RUBCNL: variants seen among roughly 807,000 people sequenced by gnomAD.
RUBCNL encodes protein associated with UVRAG as autophagy enhancer.
RUBCNL carries 62 observed loss-of-function variants against 69.5 expected under a neutral mutation model. The observed-to-expected ratio is 0.89, with a 90% CI of 0.73 to 1.10. The LOEUF is 1.10. Among genes scored for constraint, RUBCNL ranks in the 50% least tolerant of loss-of-function variants. The pLI, the probability that RUBCNL is intolerant of heterozygous loss-of-function variation, is 0.00. For synonymous variants in RUBCNL, 291 were observed against 303.6 expected (o/e 0.96, Z 0.43); for missense variants, 768 against 798.1 (o/e 0.96, Z 0.45).
rs555481296 is a variant in RUBCNL at position 46,359,614 on chromosome 13, A to G, written c.1137T>C (p.Cys379=). ...TACTGGATTCAAAGTCTTTTCGGAC[A>G]CACTCTTCATTTACGACCTGCATAA... The part of the protein sequence containing the change: ...AAGSIVVNEE[C]VRKDFESSMN... The change falls in exon 9 of 15, where the codon TGT becomes TGC. Residue 379 remains cysteine (C), a synonymous_variant. Transcript: ENST00000429979. The G allele has an allele frequency of 6.3e-7, 1 of 1,591,790 alleles. No homozygotes were observed. Among genetic ancestry groups the G allele is most frequent in the South Asian group, 1.1e-5 (1 of 87,586 alleles).
At position 46,340,035 on chromosome 13, in the gene RUBCNL, TC is replaced by T. The variant is rs796675641; in HGVS notation, c.*3349del. On this transcript the variant is annotated 3_prime_UTR_variant, in exon 15 of 15. Transcript: ENST00000429979. ...CCGGCTTCTGGGGGCTGCCAGCAAT[TC>T]TTGGTGCTCCTTGGCTTGTAGATGC... is the stretch of plus-strand genomic sequence containing the variant. Among the ~76,000 whole-genome samples the T allele has an allele frequency of 1.5e-4, 23 of 152,108 alleles. 2 individuals carry two copies. Among genetic ancestry groups the T allele is most frequent in the African/African-American group, 5.3e-4 (22 of 41,488 alleles).
At chr13:46,346,621 G>GA (rs1402137758) in intron 12 of RUBCNL, among the ~76,000 whole-genome samples, 2 of 152,066 alleles carry the variant, frequency 1.3e-5, no homozygotes, top group African/African-American at 4.8e-5. Flanking sequence ...TGTTGTGGAT[G>GA]AAAAAACCGA....
intron 2 of RUBCNL, among the ~76,000 whole-genome samples, chr13:46,377,318 C>A (rs1193077612): frequency 6.6e-6 from 1 of 152,240 alleles, no homozygotes; most frequent in Non-Finnish European, 1.5e-5. Flanking sequence ...GGCTGGAGTG[C>A]AGTGGCACGA....
intron 5 of RUBCNL, among the ~76,000 whole-genome samples, chr13:46,365,168 T>C (rs2048722437): frequency 3.3e-5 from 5 of 151,810 alleles, no homozygotes. Context: ...CTGGGCGTGA[T>C]GGTGTGCGGC....
intron 7 of RUBCNL, among the ~76,000 whole-genome samples, chr13:46,362,041 C>G (rs1164698486): frequency 6.8e-6 from 1 of 146,474 alleles, no homozygotes; most frequent in Non-Finnish European, 1.5e-5. Flanking sequence ...GCCTGGTCAA[C>G]ATAGTGAAAC....
intron 7 of RUBCNL, 65 bp from the exon 8 acceptor site, chr13:46,361,638 T>C (rs2048613342): frequency 6.6e-6 from 10 of 1,516,676 alleles, no homozygotes; most frequent in Non-Finnish European, 8.9e-6. Flanking sequence ...AGGGTCTTCC[T>C]GAGGTTTTCA....
rs1354308508 is a variant in RUBCNL at position 46,340,173 on chromosome 13, T to C, written c.*3212A>G. Among the ~76,000 whole-genome samples the C allele has an allele frequency of 6.6e-6, 1 of 152,084 alleles. No individual in the cohort carries two copies. On this transcript the variant is annotated 3_prime_UTR_variant, in exon 15 of 15. Coordinates refer to ENST00000429979, the MANE Select transcript of RUBCNL (RefSeq NM_025113.5). ...TCAAAACTCATCCTAATGCACTATG[T>C]CCTCATCCTAACTTAACCACCTCTG...
In RUBCNL at chr13:46,361,521, A is replaced by G. The variant is rs143629262; in HGVS notation, c.1039T>C (p.Tyr347His). The change falls in exon 8 of 15, where the codon TAC becomes CAC. Residue 347 changes from tyrosine (Y) to histidine (H), a missense_variant. Transcript: ENST00000429979. ...NSAELLAKEL[Y>H]RVFQKCWILS... ...ATCCAGCACTTCTGGAACACGCGGTACAGCTCTTTGGCTAATAGTTCTGCA... is the reference window on the plus strand; with the variant it reads ...ATCCAGCACTTCTGGAACACGCGGTGCAGCTCTTTGGCTAATAGTTCTGCA... The G allele has an allele frequency of 1.6e-5, 26 of 1,612,632 alleles. No individual in the cohort carries two copies. In the African/African-American group the frequency reaches 3.3e-4, roughly 21 times the overall value.
intron 2 of RUBCNL, among the ~76,000 whole-genome samples, chr13:46,375,779 C>A (rs1230441194): frequency 1.3e-5 from 2 of 152,046 alleles, no homozygotes; most frequent in Non-Finnish European, 1.5e-5. Flanking sequence ...TTAGTTTATA[C>A]CTTCTGGAGT....
chr13:46,377,332 C>T (rs9534383), intron 2 of RUBCNL, among the ~76,000 whole-genome samples: 28,300 of 152,116 alleles, frequency 0.19, 3,120 homozygotes, highest in East Asian at 0.48. Context: ...GGCACGATCT[C>T]GGCTCACTGC....
In RUBCNL at chr13:46,350,288, G is replaced by A. The variant is rs1206560305; in HGVS notation, c.1394C>T (p.Ser465Leu). 2 of 1,581,744 alleles carry A rather than the reference G, an allele frequency of 1.3e-6. No individual in the cohort carries two copies. The highest frequency in any genetic ancestry group is 1.8e-5 in the Admixed American group (1 of 55,078). ...LGKYFCDCCHSYAESCIPARI... is the reference protein window; with the variant it reads ...LGKYFCDCCHLYAESCIPARI... ...GGCAGGGATGCACGACTCTGCATAT[G>A]AGTGGCAGCAGTCACAGAAATACTT... is the stretch of plus-strand genomic sequence containing the variant. Residue 465 changes from serine to leucine, a missense_variant, in exon 11 of 15, where the codon TCA becomes TTA. Physicochemically the swap from Ser to Leu is moderately radical, Grantham distance 145. Transcript: ENST00000429979.
chr13:46,355,730 C>T (rs1187215661), intron 10 of RUBCNL, among the ~76,000 whole-genome samples: 6 of 152,172 alleles, frequency 3.9e-5, no homozygotes, highest in Non-Finnish European at 8.8e-5. Context: ...CTTTTGAAGA[C>T]CTACTATGTG....
At chr13:46,368,357 T>A in intron 4 of RUBCNL, 108 bp from the exon 5 acceptor site, 1 of 1,413,480 alleles carries the variant, frequency 7.1e-7, no homozygotes. Context: ...TTAATGCATA[T>A]CAGTATAAAT....
chr13:46,346,801 A>G (rs959014176), intron 12 of RUBCNL, among the ~76,000 whole-genome samples: 5 of 152,338 alleles, frequency 3.3e-5, no homozygotes, highest in Non-Finnish European at 5.9e-5. Flanking sequence ...TAAAAACTCT[A>G]TAATTCCACC....
At chr13:46,349,734 T>C (rs976032574) in intron 11 of RUBCNL, among the ~76,000 whole-genome samples, 1 of 151,696 alleles carries the variant, frequency 6.6e-6, no homozygotes, top group Admixed American at 6.6e-5. Flanking sequence ...TGGAGTGCAG[T>C]AGTGCAATCT....
intron 9 of RUBCNL, among the ~76,000 whole-genome samples, chr13:46,358,581 T>G (rs1321557028): frequency 6.6e-6 from 1 of 152,216 alleles, no homozygotes; most frequent in Non-Finnish European, 1.5e-5. Context: ...TGAGATCGAG[T>G]CTCGCTCTGT....
chr13:46,357,916 C>A (rs1198055980), intron 9 of RUBCNL, among the ~76,000 whole-genome samples: 3 of 152,164 alleles, frequency 2.0e-5, no homozygotes, highest in Non-Finnish European at 4.4e-5. Flanking sequence ...CAGGCATTGG[C>A]CACTGTGCCC....
chr13:46,357,946 T>C (rs1437903945), intron 9 of RUBCNL, among the ~76,000 whole-genome samples: 1 of 152,208 alleles, frequency 6.6e-6, no homozygotes, highest in Non-Finnish European at 1.5e-5. Flanking sequence ...GATTTTCTAT[T>C]GAACTGTTTA....
chr13:46,343,582 GGA>G, intron 14 of RUBCNL, 85 bp from the exon 15 acceptor site: 1 of 1,406,286 alleles, frequency 7.1e-7, no homozygotes, highest in Non-Finnish European at 9.7e-7. Flanking sequence ...TCCTAGGGAG[GGA>G]GAGGGGTCTG....
Sources: allele counts gnomAD v4.1 joint callset (sites outside exome capture counted in the v4.1 genomes callset), GRCh38; gene constraint gnomAD v4.1.1; transcripts MANE v1.5; gene names NCBI Gene and HGNC (gene_info 2026-07-23, HGNC 2026-07-21).